RAB3GAP1: variants seen among roughly 807,000 people sequenced by gnomAD.
The protein encoded by RAB3GAP1 is rab3 GTPase-activating protein catalytic subunit.
In RAB3GAP1, 86 loss-of-function variants were observed where a neutral mutation model predicts 130.7. The ratio of observed to expected loss-of-function variants is 0.66; its 90% CI spans 0.55 to 0.79. The LOEUF is 0.79. Among genes scored for constraint, RAB3GAP1 ranks in the 30% least tolerant of loss-of-function variants. The probability of loss-of-function intolerance (pLI) is 0.00; values close to 1 mark genes in which losing one functional copy is unlikely to be tolerated. For missense variants in RAB3GAP1, 1,029 were observed against 1,169.4 expected, an observed-to-expected ratio of 0.88 and a Z score of 1.75; for synonymous variants, 367 against 401.7, an observed-to-expected ratio of 0.91 and a Z score of 1.03.
At chr2:135,064,535 A>G (rs145056702) in intron 3 of RAB3GAP1, among the ~76,000 whole-genome samples, 1 of 152,198 alleles carries the variant, frequency 6.6e-6, no homozygotes, top group African/African-American at 2.4e-5. Context: ...TTTGATTCTT[A>G]TGAAAAACTT....
In RAB3GAP1 at chr2:135,163,007, A is replaced by G. The variant is rs773369921; in HGVS notation, c.2512A>G (p.Asn838Asp). The part of the protein sequence containing the change: ...KLEEIIHQIT[N>D]VEALIARARS... ...CCAGGAAATCATTCACCAGATTACT[A>G]ATGTGGAAGCTCTCATTGCCAGAGC... The change falls in exon 22 of 24, where the codon AAT (asparagine) becomes GAT (aspartate). Residue 838 changes from asparagine to aspartate, a missense_variant. By Grantham distance (23) the Asn-to-Asp change is conservative. Transcript: ENST00000264158. 9 of 1,613,642 alleles carry G rather than the reference A, an allele frequency of 5.6e-6. No homozygotes were observed. The highest frequency in any genetic ancestry group is 4.2e-6 in the Non-Finnish European group (5 of 1,179,570).
intron 19 of RAB3GAP1, among the ~76,000 whole-genome samples, chr2:135,156,241 G>C (rs1278418563): frequency 6.6e-6 from 1 of 151,942 alleles, no homozygotes; most frequent in Non-Finnish European, 1.5e-5. Flanking sequence ...GGTTTCACAG[G>C]GAAATTCAAC....
At chr2:135,147,891 A>C (rs1692047945) in intron 17 of RAB3GAP1, among the ~76,000 whole-genome samples, 2 of 152,194 alleles carry the variant, frequency 1.3e-5, no homozygotes, top group Non-Finnish European at 2.9e-5. Context: ...GTTAATAAAC[A>C]GTCTGAAAAA....
At chr2:135,067,243 A>G (rs1244385536) in intron 3 of RAB3GAP1, among the ~76,000 whole-genome samples, 1 of 152,196 alleles carries the variant, frequency 6.6e-6, no homozygotes, top group Non-Finnish European at 1.5e-5. Flanking sequence ...GTTTTTGGAA[A>G]CTAAAGAAGG....
intron 19 of RAB3GAP1, among the ~76,000 whole-genome samples, chr2:135,158,697 C>T (rs1360622264): frequency 1.3e-5 from 2 of 152,132 alleles, no homozygotes; most frequent in Admixed American, 1.3e-4. Context: ...AATTGAAGAG[C>T]ATCATCTTGC....
intron 2 of RAB3GAP1, among the ~76,000 whole-genome samples, chr2:135,054,131 A>G (rs776459099): frequency 3.9e-5 from 6 of 152,370 alleles, no homozygotes; most frequent in African/African-American, 1.4e-4. Flanking sequence ...CAGTATTCCT[A>G]TGACCAGTGA....
chr2:135,065,205 A>T (rs1218987596), intron 3 of RAB3GAP1, among the ~76,000 whole-genome samples: 1 of 152,208 alleles, frequency 6.6e-6, no homozygotes, highest in Non-Finnish European at 1.5e-5. Context: ...ACCTAAATTC[A>T]GTAAAGCTAT....
chr2:135,153,333 GA>G (rs1692225024), intron 18 of RAB3GAP1, among the ~76,000 whole-genome samples: 1 of 151,600 alleles, frequency 6.6e-6, no homozygotes, highest in Admixed American at 6.6e-5. Flanking sequence ...CAAATTCATT[GA>G]ATGAAAGTGT....
At chr2:135,101,476 T>C (rs922849147) in intron 5 of RAB3GAP1, among the ~76,000 whole-genome samples, 4 of 152,222 alleles carry the variant, frequency 2.6e-5, no homozygotes, top group African/African-American at 9.6e-5. Flanking sequence ...AATTACTATA[T>C]GATTAACTTA....
At chr2:135,131,704 A>G (rs1445972116) in intron 13 of RAB3GAP1, among the ~76,000 whole-genome samples, 2 of 152,194 alleles carry the variant, frequency 1.3e-5, no homozygotes, top group African/African-American at 4.8e-5. Context: ...TTACTGCATG[A>G]CTTTGAATAA....
intron 3 of RAB3GAP1, among the ~76,000 whole-genome samples, chr2:135,067,237 T>C (rs1444885832): frequency 1.3e-5 from 2 of 152,186 alleles, no homozygotes; most frequent in Non-Finnish European, 1.5e-5. Flanking sequence ...GCTGAAGTTT[T>C]TGGAAACTAA....
At chr2:135,151,855 A>C (rs1692184270) in intron 18 of RAB3GAP1, among the ~76,000 whole-genome samples, 1 of 152,230 alleles carries the variant, frequency 6.6e-6, no homozygotes, top group African/African-American at 2.4e-5. Flanking sequence ...GTCTTTGCAG[A>C]GGCATGCACG....
chr2:135,071,781 C>G (rs1452970859), intron 3 of RAB3GAP1, among the ~76,000 whole-genome samples: 1 of 152,210 alleles, frequency 6.6e-6, no homozygotes, highest in Non-Finnish European at 1.5e-5. Context: ...GGGTAGAGGT[C>G]TCATCTCCCA....
At chr2:135,146,228 A>G (rs1691990173) in intron 17 of RAB3GAP1, among the ~76,000 whole-genome samples, 2 of 136,386 alleles carry the variant, frequency 1.5e-5, no homozygotes, top group East Asian at 2.1e-4. Flanking sequence ...TTTTTGAGAC[A>G]AGGTCTTGCT....
chr2:135,082,329 A>T (rs1212060202), intron 3 of RAB3GAP1, among the ~76,000 whole-genome samples: 2 of 152,132 alleles, frequency 1.3e-5, no homozygotes, highest in African/African-American at 4.8e-5. Context: ...GATACTTGTT[A>T]GAAGTCACTT....
chr2:135,090,444 A>G (rs1191160310), intron 3 of RAB3GAP1, among the ~76,000 whole-genome samples: 3 of 152,094 alleles, frequency 2.0e-5, no homozygotes, highest in Non-Finnish European at 4.4e-5. Flanking sequence ...GCTATGGGAG[A>G]TTAGAAGCTC....
At chr2:135,153,965 A>G in intron 19 of RAB3GAP1, 89 bp downstream of exon 19, 1 of 1,246,078 alleles carries the variant, frequency 8.0e-7, no homozygotes, top group Non-Finnish European at 1.2e-6. Flanking sequence ...AGAGTTTTGG[A>G]CACACTTGAG....
At chr2:135,081,948 C>G (rs1384238619) in intron 3 of RAB3GAP1, among the ~76,000 whole-genome samples, 1 of 151,994 alleles carries the variant, frequency 6.6e-6, no homozygotes, top group Admixed American at 6.6e-5. Context: ...TAAGACCAGC[C>G]TGGCCAACAT....
At chr2:135,170,984 C>G (rs750706657), downstream of RAB3GAP1, among the ~76,000 whole-genome samples, 2 of 152,068 alleles carry the variant, frequency 1.3e-5, no homozygotes, top group African/African-American at 4.8e-5. Flanking sequence ...AGTCCTTGCA[C>G]ATTGGGGCTT....
Sources: allele counts gnomAD v4.1 joint callset (sites outside exome capture counted in the v4.1 genomes callset), GRCh38; gene constraint gnomAD v4.1.1; transcripts MANE v1.5; gene names NCBI Gene and HGNC (gene_info 2026-07-23, HGNC 2026-07-21).